Variants in ARHGEF2 observed in about 807,000 individuals in gnomAD.
ARHGEF2 encodes rho guanine nucleotide exchange factor 2.
In ARHGEF2, 22 loss-of-function variants were observed where a neutral mutation model predicts 121.0. That is an observed-to-expected ratio of 0.18 (90% CI 0.13 to 0.26). ARHGEF2 has a LOEUF of 0.26. Ranked by LOEUF, ARHGEF2 falls within the 10% of genes least tolerant of loss-of-function variation. The probability of loss-of-function intolerance (pLI) is 1.00; values close to 1 mark genes in which losing one functional copy is unlikely to be tolerated. For synonymous variants in ARHGEF2, 487 were observed against 530.0 expected, an observed-to-expected ratio of 0.92 and a Z score of 1.11; for missense variants, 907 against 1,336.0, an observed-to-expected ratio of 0.68 and a Z score of 5.01.
At chr1:155,973,798 G>C (rs1349825734) in intron 1 of ARHGEF2, among the ~76,000 whole-genome samples, 1 of 152,016 alleles carries the variant, frequency 6.6e-6, no homozygotes, top group Non-Finnish European at 1.5e-5. Context: ...AATGGCAGAG[G>C]GCATTGTGGA....
In ARHGEF2 at chr1:155,950,764, T is replaced by A. The variant is rs889084810; in HGVS notation, c.2703+65A>T. The A allele has an allele frequency of 6.8e-7, 1 of 1,472,246 alleles. No homozygotes were observed. Among genetic ancestry groups the A allele is most frequent in the East Asian group, 2.3e-5 (1 of 43,650 alleles). 91.2% of individuals were successfully genotyped at this position (1,472,246 alleles called of 1,614,324 possible). Reference sequence around the variant, plus strand: ...GGGCTCAAATCCCCAATGGCCCAATTTCTTTCGGGCTCCATGGACCCTTAT... The same window carrying A: ...GGGCTCAAATCCCCAATGGCCCAATATCTTTCGGGCTCCATGGACCCTTAT... On this transcript the variant is annotated intron_variant, in intron 20 of 21. Coordinates refer to ENST00000361247, the MANE Select transcript of ARHGEF2 (RefSeq NM_001162383.2). The surrounding 1 kb of genome is among the most constrained non-coding windows in gnomAD (Gnocchi z 5.2).
chr1:155,951,239 C>A lies in ARHGEF2; in HGVS notation c.2293G>T (p.Ala765Ser). ...CGCTCAGGGCCCTCAGGGAACCGGGCTTCCATCAGAGTGTCCTGCTGGGCC... is the reference window on the plus strand; with the variant it reads ...CGCTCAGGGCCCTCAGGGAACCGGGATTCCATCAGAGTGTCCTGCTGGGCC... ...AVAQQDTLMEARFPEGPERRE... is the reference protein window; with the variant it reads ...AVAQQDTLMESRFPEGPERRE... The change falls in exon 20 of 22, where the codon GCC becomes TCC. Residue 765 changes from alanine to serine, a missense_variant. Coordinates refer to ENST00000361247, the MANE Select transcript of ARHGEF2 (RefSeq NM_001162383.2). This position sits in a 1 kb window ranked among gnomAD's most constrained non-coding sequence, Gnocchi z 5.1. 6.2e-7 allele frequency: 1 copy of A among 1,610,346 alleles called. No individual in the cohort carries two copies. The highest frequency in any genetic ancestry group is 2.2e-5 in the East Asian group (1 of 44,802).
At position 155,978,320 on chromosome 1, in the gene ARHGEF2, A is replaced by T. The variant is rs1681699141; in HGVS notation, c.63+45T>A. On this transcript the variant is annotated intron_variant, in intron 1 of 21. Coordinates refer to ENST00000361247, the MANE Select transcript of ARHGEF2 (RefSeq NM_001162383.2). This position sits in a 1 kb window ranked among gnomAD's most constrained non-coding sequence, Gnocchi z 4.1. ...GCACCGCGGGTGCCGGGGTTCGGGG[A>T]GCACCCGAGGACCGCGGCGAAAGGA... 1 of 1,432,684 alleles carries T rather than the reference A, an allele frequency of 7.0e-7. No homozygotes were observed. The highest frequency in any genetic ancestry group is 1.5e-5 in the African/African-American group (1 of 68,570). The allele number at this position is 1,432,684 out of a possible 1,614,324, so 88.7% of individuals were successfully genotyped here.
At chr1:155,964,657 C>T (rs893346622) in intron 7 of ARHGEF2, among the ~76,000 whole-genome samples, 2 of 151,964 alleles carry the variant, frequency 1.3e-5, no homozygotes, top group Non-Finnish European at 2.9e-5. Flanking sequence ...CGGTGGCTCA[C>T]GCCTGTAATC....
intron 1 of ARHGEF2, chr1:155,970,141 A>G (rs983298790): frequency 1.0e-6 from 1 of 985,226 alleles, no homozygotes; most frequent in South Asian, 4.7e-5. Flanking sequence ...AGTTTCCTCT[A>G]TTGCTCCTTA....
intron 7 of ARHGEF2, among the ~76,000 whole-genome samples, chr1:155,963,822 C>T (rs999568733): frequency 6.6e-6 from 1 of 151,940 alleles, no homozygotes; most frequent in Non-Finnish European, 1.5e-5. Context: ...TAGGCACATG[C>T]CACCACACCT....
intron 12 of ARHGEF2, among the ~76,000 whole-genome samples, 190 bp downstream of exon 12, chr1:155,958,130 A>G (rs1007468522): frequency 6.6e-6 from 1 of 152,226 alleles, no homozygotes; most frequent in East Asian, 1.9e-4. Context: ...CTTTTCCCAC[A>G]GGTGTAAAAG....
chr1:155,965,575 C>G lies in ARHGEF2; in HGVS notation c.470+56G>C. 2 of 1,610,970 alleles carry G rather than the reference C, an allele frequency of 1.2e-6. No homozygotes were observed. The highest frequency in any genetic ancestry group is 1.7e-6 in the Non-Finnish European group (2 of 1,179,482). The stretch of plus-strand genomic sequence containing the variant: ...GATGGAAAGGGACCTCTCAGCACCC[C>G]CTTGGCCTCCACTGCCACACTCTCT... On this transcript the variant is annotated intron_variant, in intron 5 of 21. Transcript: ENST00000361247. The surrounding 1 kb of genome is among the most constrained non-coding windows in gnomAD (Gnocchi z 6.0).
chr1:155,978,642 G>T, upstream of ARHGEF2: 1 of 1,209,506 alleles, frequency 8.3e-7, no homozygotes, highest in Non-Finnish European at 1.0e-6. This position sits in a 1 kb window ranked among gnomAD's most constrained non-coding sequence, Gnocchi z 4.1. Context: ...GGAGGGCGGG[G>T]TGCCCGCGCG....
At position 155,961,845 on chromosome 1, in the gene ARHGEF2, A is replaced by C. The variant is rs1000635517; in HGVS notation, c.1284T>G (p.Asn428Lys). Residue 428 changes from asparagine (N) to lysine (K), a missense_variant, in exon 11 of 22, where the codon AAT becomes AAG. By Grantham distance (94) the Asn-to-Lys change is moderately conservative. Coordinates refer to ENST00000361247, the MANE Select transcript of ARHGEF2 (RefSeq NM_001162383.2). The surrounding 1 kb of genome is among the most constrained non-coding windows in gnomAD (Gnocchi z 4.7). ...CCAGCTGATAAATACCCTCGTCCAC[A>C]TTGGACAGCAGCTCCTTCACTAGCC... is the stretch of plus-strand genomic sequence containing the variant. ...ALGLVKELLS[N>K]VDEGIYQLEK... 2.5e-6 allele frequency: 4 copies of C among 1,614,012 alleles called. No individual in the cohort carries two copies. The African/African-American group carries it at 5.3e-5, about 22-fold the overall frequency.
Position 155,952,112 on chromosome 1 carries a change from T to G in ARHGEF2, c.2104+4A>C. On this transcript the variant is annotated splice_donor_region_variant and intron_variant, in intron 16 of 21. Transcript: ENST00000361247. ...CTACCTTGGTCCCCTGCCCTGGTAC[T>G]CACTGGCAGTGACCCCAGGACTCGT... is the stretch of plus-strand genomic sequence containing the variant. 1 of 1,614,130 alleles carries G rather than the reference T, an allele frequency of 6.2e-7. No individual in the cohort carries two copies. Among genetic ancestry groups the G allele is most frequent in the Non-Finnish European group, 8.5e-7 (1 of 1,180,014 alleles).
chr1:155,965,178 C>T lies in ARHGEF2; in HGVS notation c.581-47G>A. 3 of 1,610,390 alleles carry T rather than the reference C, an allele frequency of 1.9e-6. No individual in the cohort carries two copies. The highest frequency in any genetic ancestry group is 2.5e-6 in the Non-Finnish European group (3 of 1,177,362). On this transcript the variant is annotated intron_variant, in intron 6 of 21. Transcript: ENST00000361247. The surrounding 1 kb of genome is among the most constrained non-coding windows in gnomAD (Gnocchi z 6.0). ...AACTCAGAGGTCTTGAGTTCCCTTCCCTGGGTCCCTGGCCCTTCTCTAGAT... is the reference window on the plus strand; with the variant it reads ...AACTCAGAGGTCTTGAGTTCCCTTCTCTGGGTCCCTGGCCCTTCTCTAGAT...
At chr1:155,972,695 T>G (rs796121810) in intron 1 of ARHGEF2, among the ~76,000 whole-genome samples, 28 of 151,590 alleles carry the variant, frequency 1.8e-4, no homozygotes, top group African/African-American at 6.8e-4. Context: ...AGCATCTAGA[T>G]ACTTTTTTTT....
chr1:155,958,219 G>T, intron 12 of ARHGEF2, 101 bp downstream of exon 12: 2 of 878,402 alleles, frequency 2.3e-6, no homozygotes, highest in Non-Finnish European at 3.7e-6. Flanking sequence ...ATAGCTGTTT[G>T]ACTCTGGGGG....
intron 1 of ARHGEF2, chr1:155,970,611 G>C: frequency 2.0e-6 from 2 of 985,448 alleles, no homozygotes; most frequent in South Asian, 9.4e-5. Context: ...AGTTCAGCGG[G>C]AAGCACTCAG....
At chr1:155,979,043 T>A (rs1349274327), upstream of ARHGEF2, 1 of 985,390 alleles carries the variant, frequency 1.0e-6, no homozygotes, top group Non-Finnish European at 1.2e-6. Context: ...CCTTTTACGA[T>A]TGGGGGCAGG....
At chr1:155,957,386 T>G (rs1676905549) in intron 13 of ARHGEF2, among the ~76,000 whole-genome samples, 1 of 152,248 alleles carries the variant, frequency 6.6e-6, no homozygotes, top group Non-Finnish European at 1.5e-5. Context: ...ATAACAGCCC[T>G]CTGCCTACAG....
At position 155,951,351 on chromosome 1, in the gene ARHGEF2, A is replaced by C. The variant is rs766705947; in HGVS notation, c.2260-79T>G. 6.4e-7 allele frequency: 1 copy of C among 1,565,012 alleles called. No homozygotes were observed. Among genetic ancestry groups the C allele is most frequent in the South Asian group, 1.2e-5 (1 of 86,660 alleles). ...CCCTCGCCTTCACCCTCCAAGGCCCAGATCATCGCTCCTGGAGAGCTTGGA... is the reference window on the plus strand; with the variant it reads ...CCCTCGCCTTCACCCTCCAAGGCCCCGATCATCGCTCCTGGAGAGCTTGGA... On this transcript the variant is annotated intron_variant, in intron 19 of 21. Transcript: ENST00000361247. This position sits in a 1 kb window ranked among gnomAD's most constrained non-coding sequence, Gnocchi z 5.1.
rs79475310 is a variant in ARHGEF2 at position 155,961,194 on chromosome 1, G to C, written c.1468+467C>G. ...TCCATAAAGTTAACTGCAGAATTCA[G>C]GCTTTTCTGCCACAGAGATCCTATT... On this transcript the variant is annotated intron_variant, in intron 11 of 21. Coordinates refer to ENST00000361247, the MANE Select transcript of ARHGEF2 (RefSeq NM_001162383.2). The surrounding 1 kb of genome is among the most constrained non-coding windows in gnomAD (Gnocchi z 4.7). 9.7e-3 allele frequency among the ~76,000 whole-genome samples: 1,471 copies of C among 152,182 alleles called. 95 individuals carry two copies. The highest frequency in any genetic ancestry group is 0.082 in the Admixed American group (1,252 of 15,284).
Sources: gnomAD v4.1 joint callset for allele counts (sites outside exome capture counted in the v4.1 genomes callset) on GRCh38, gnomAD v4.1.1 for gene constraint, Gnocchi (gnomAD v3.1) non-coding constraint, MANE v1.5 for transcripts, NCBI Gene and HGNC (gene_info 2026-07-23, HGNC 2026-07-21) for gene names.